The following LARS1 variants were observed in gnomAD, a reference collection of about 807,000 sequenced individuals.
LARS1 encodes the protein leucine--tRNA ligase, cytoplasmic.
Under a neutral mutation model 162.8 loss-of-function variants are expected in LARS1, and 100 were observed. The ratio of observed to expected loss-of-function variants is 0.61; its 90% CI spans 0.52 to 0.73. The LOEUF (loss-of-function observed/expected upper bound fraction) is 0.73. Among genes scored for constraint, LARS1 ranks in the 30% least tolerant of loss-of-function variants. LARS1 has a pLI of 0.00. For missense variants in LARS1, 1,258 were observed against 1,408.9 expected, an observed-to-expected ratio of 0.89 and a Z score of 1.71; for synonymous variants, 457 against 462.8, an observed-to-expected ratio of 0.99 and a Z score of 0.16.
chr5:146,125,390 TCCATCAGGCA>T (rs899641762), intron 28 of LARS1, among the ~76,000 whole-genome samples: 2 of 152,024 alleles, frequency 1.3e-5, no homozygotes, highest in African/African-American at 4.8e-5. Flanking sequence ...AGGTCTGGTC[TCCATCAGGCA>T]TCTGCAGCCA....
rs759447905 is a variant in LARS1, at chr5:146,144,716, G to A, written c.1504-7C>T. ...TGTAAATAAGTGCATCTCCCTAAAG[G>A]AAGGTAAATAAACATACATTAGATA... On this transcript the variant is annotated splice_polypyrimidine_tract_variant and splice_region_variant and intron_variant, in intron 15 of 31. Transcript: ENST00000394434. 6.2e-7 allele frequency: 1 copy of A among 1,609,340 alleles called. No individual in the cohort carries two copies. Among genetic ancestry groups the A allele is most frequent in the Admixed American group, 1.7e-5 (1 of 59,982 alleles).
Position 146,150,657 on chromosome 5 carries a change from G to T in LARS1, c.1426-958C>A, listed in dbSNP as rs572321920. On this transcript the variant is annotated intron_variant, in intron 14 of 31. Coordinates refer to ENST00000394434, the MANE Select transcript of LARS1 (RefSeq NM_020117.11). ...AAAAAAAAAAAAGAACACAAATCTG[G>T]CCAGGTGCAGTGGTTCAAGCCTATA... Among the ~76,000 whole-genome samples the T allele has an allele frequency of 2.0e-4, 29 of 146,238 alleles. No individual in the cohort carries two copies. In the South Asian group the frequency reaches 6.1e-3, roughly 31 times the overall value.
chr5:146,118,898 C>T (rs139475878), intron 31 of LARS1, among the ~76,000 whole-genome samples: 114 of 152,236 alleles, frequency 7.5e-4, no homozygotes, highest in African/African-American at 2.6e-3. Context: ...TTAAAAAATA[C>T]ACCTATAAAC....
chr5:146,154,091 G>A (rs1753415990), intron 10 of LARS1, 111 bp from the exon 11 acceptor site: 4 of 705,992 alleles, frequency 5.7e-6, no homozygotes, highest in Non-Finnish European at 7.1e-6. Flanking sequence ...AAAATATATG[G>A]AAATAAATTC....
rs532889872 is a variant in LARS1, at chr5:146,158,834, C to T, written c.771+573G>A. 1.4e-3 allele frequency among the ~76,000 whole-genome samples: 208 copies of T among 152,252 alleles called. 1 individual carries two copies. The highest frequency in any genetic ancestry group is 4.9e-3 in the African/African-American group (202 of 41,544). ...CCTGGAGGCCGGGCACGGTGGCTCACGCCTGTAATCTCAGCACTTTGGGAG... is the reference window on the plus strand; with the variant it reads ...CCTGGAGGCCGGGCACGGTGGCTCATGCCTGTAATCTCAGCACTTTGGGAG... On this transcript the variant is annotated intron_variant, in intron 8 of 31. Transcript: ENST00000394434.
chr5:146,153,797 A>C lies in LARS1; in HGVS notation c.1167T>G (p.Val389=). 1 of 1,614,030 alleles carries C rather than the reference A, an allele frequency of 6.2e-7. No homozygotes were observed. Among genetic ancestry groups the C allele is most frequent in the African/African-American group, 1.3e-5 (1 of 75,052 alleles). The part of the protein sequence containing the change: ...TIKEDKGTGV[V]TSVPSDSPDD... ...CAGGGGAGTCGGAAGGAACACTTGT[A>C]ACCACACCAGTGCCTTAGAAAACAA... The change falls in exon 12 of 32, where the codon GTT becomes GTG. Residue 389 remains valine, a synonymous_variant. Coordinates refer to ENST00000394434, the MANE Select transcript of LARS1 (RefSeq NM_020117.11).
intron 6 of LARS1, among the ~76,000 whole-genome samples, chr5:146,161,634 TC>T (rs1753781990): frequency 1.3e-5 from 2 of 152,012 alleles, no homozygotes; most frequent in Middle Eastern, 6.8e-3. Context: ...ATGCCTGTAA[TC>T]CCAGCTACTA....
At chr5:146,166,528 A>G (rs1372817831) in intron 5 of LARS1, among the ~76,000 whole-genome samples, 2 of 151,564 alleles carry the variant, frequency 1.3e-5, no homozygotes, top group Non-Finnish European at 3.0e-5. Flanking sequence ...ACATAGTGAG[A>G]CTCCATCTCT....
chr5:146,175,818 A>C (rs1754535382), intron 2 of LARS1, among the ~76,000 whole-genome samples: 1 of 150,750 alleles, frequency 6.6e-6, no homozygotes, highest in Non-Finnish European at 1.5e-5. Context: ...ACAGAGCAAG[A>C]CTCCGTCTCA....
In LARS1 at chr5:146,157,733, T is replaced by G; in HGVS notation, c.834A>C (p.Lys278Asn). 1.2e-6 allele frequency: 2 copies of G among 1,614,114 alleles called. No homozygotes were observed. Among genetic ancestry groups the G allele is most frequent in the Non-Finnish European group, 1.7e-6 (2 of 1,179,980 alleles). Residue 278 changes from lysine (K) to asparagine (N), a missense_variant, in exon 9 of 32, where the codon AAA becomes AAC. Transcript: ENST00000394434. ...KLKVLEPYPS[K>N]LSGLKGKNIF... ...AATTACTCTGGCAAACCTACCTTAA[T>G]TTAGATGGGTATGGCTCAAGCACCT...
Position 146,174,501 on chromosome 5 carries a change from CATATATATATATATATATCCAT to C in LARS1, c.126-1749_126-1728del, listed in dbSNP as rs1200873410. Among the ~76,000 whole-genome samples, 103 of 22,200 alleles carry C rather than the reference CATATATATATATATATATCCAT, an allele frequency of 4.6e-3. 3 individuals carry two copies. The highest frequency in any genetic ancestry group is 0.026 in the East Asian group (21 of 800). 14.6% of individuals were successfully genotyped at this position (22,200 alleles called of 152,430 possible). A position where few individuals can be genotyped will look rare whatever the true frequency, so the allele number is the denominator to read the frequency against. On this transcript the variant is annotated intron_variant, in intron 2 of 31. Coordinates refer to ENST00000394434, the MANE Select transcript of LARS1 (RefSeq NM_020117.11). ...ATATATATCCATATATATATATATC[CATATATATATATATATATCCAT>C]ATATATATATATATCCATATATGTA...
At chr5:146,143,122 T>C in intron 19 of LARS1, 38 bp from the exon 20 acceptor site, 1 of 1,090,038 alleles carries the variant, frequency 9.2e-7, no homozygotes, top group Non-Finnish European at 1.3e-6. Flanking sequence ...TATATATATA[T>C]ATATGTAATT....
intron 1 of LARS1, among the ~76,000 whole-genome samples, chr5:146,181,381 CA>C (rs754114707): frequency 1.5e-5 from 2 of 133,584 alleles, no homozygotes; most frequent in Non-Finnish European, 3.2e-5. Context: ...AAACAAAAAA[CA>C]AAAAAAAATA....
chr5:146,136,748 G>A (rs1178462490), intron 21 of LARS1, among the ~76,000 whole-genome samples: 2 of 152,168 alleles, frequency 1.3e-5, no homozygotes, highest in East Asian at 3.9e-4. Context: ...CCAAAGTGCT[G>A]CAATTAACGG....
chr5:146,178,704 G>A (rs1581098274), intron 1 of LARS1, among the ~76,000 whole-genome samples: 1 of 151,678 alleles, frequency 6.6e-6, no homozygotes, highest in Admixed American at 6.6e-5. Flanking sequence ...GAAATAATAA[G>A]CCTGCACAAC....
intron 2 of LARS1, among the ~76,000 whole-genome samples, chr5:146,174,262 G>A (rs892795358): frequency 1.1e-4 from 17 of 148,488 alleles, no homozygotes; most frequent in African/African-American, 3.4e-4. Flanking sequence ...CTAGCCTAAC[G>A]TGGAGAAAAC....
intron 3 of LARS1, 57 bp from the exon 4 acceptor site, chr5:146,172,047 T>C (rs1421133551): frequency 1.7e-5 from 25 of 1,434,108 alleles, no homozygotes. Flanking sequence ...AAATACAAAA[T>C]GTGAACTTTT....
chr5:146,165,019 C>T (rs1189526472), intron 5 of LARS1, among the ~76,000 whole-genome samples: 1 of 152,096 alleles, frequency 6.6e-6, no homozygotes, highest in Non-Finnish European at 1.5e-5. Flanking sequence ...CATTTTCAAA[C>T]TCACAGAATT....
At chr5:146,114,841 C>T (rs549324286) in intron 31 of LARS1, among the ~76,000 whole-genome samples, 1 of 151,564 alleles carries the variant, frequency 6.6e-6, no homozygotes. Context: ...GTCCGGAGAT[C>T]GAGACCATCC....
Sources: allele counts gnomAD v4.1 joint callset (sites outside exome capture counted in the v4.1 genomes callset), GRCh38; gene constraint gnomAD v4.1.1; transcripts MANE v1.5; gene names NCBI Gene and HGNC (gene_info 2026-07-23, HGNC 2026-07-21).